Variants in ASB5 observed in about 807,000 individuals in gnomAD.
ASB5 encodes ankyrin repeat and SOCS box protein 5.
Under a neutral mutation model 42.1 loss-of-function variants are expected in ASB5, and 45 were observed. The ratio of observed to expected loss-of-function variants is 1.07; its 90% CI spans 0.84 to 1.37. ASB5 has a LOEUF of 1.37. Ranked by LOEUF, ASB5 falls within the 40% of genes most tolerant of loss-of-function variation. The probability of loss-of-function intolerance (pLI) is 0.00; values close to 1 mark genes in which losing one functional copy is unlikely to be tolerated. For missense variants in ASB5, 402 were observed against 399.8 expected (o/e 1.01, Z -0.05); for synonymous variants, 147 against 150.6 (o/e 0.98, Z 0.18).
chr4:176,269,544 T>A (rs896435738), upstream of ASB5, among the ~76,000 whole-genome samples: 3 of 152,234 alleles, frequency 2.0e-5, no homozygotes, highest in African/African-American at 7.2e-5. Flanking sequence ...AAAATGGCAC[T>A]GTACTATTTG....
chr4:176,252,078 A>AG, intron 1 of ASB5, among the ~76,000 whole-genome samples: 3 of 42,518 alleles, frequency 7.1e-5, no homozygotes, highest in Admixed American at 4.6e-4. Context: ...AAAAAAAAAA[A>AG]AAAAAGAAAA....
chr4:176,248,136 T>C (rs770873158), intron 1 of ASB5, among the ~76,000 whole-genome samples: 1 of 152,162 alleles, frequency 6.6e-6, no homozygotes, highest in Non-Finnish European at 1.5e-5. Context: ...TTTTTATCTT[T>C]TCATTTTTTT....
intron 1 of ASB5, among the ~76,000 whole-genome samples, chr4:176,257,223 T>C (rs1019443340): frequency 4.6e-5 from 7 of 152,202 alleles, no homozygotes; most frequent in Non-Finnish European, 1.0e-4. Context: ...AGCCAAGAAT[T>C]TGCCAAGACT....
At chr4:176,221,105 T>C in intron 5 of ASB5, 50 bp downstream of exon 5, 1 of 1,503,064 alleles carries the variant, frequency 6.7e-7, no homozygotes, top group Non-Finnish European at 8.9e-7. Flanking sequence ...GAGAAATAAA[T>C]AACTGCTTGT....
chr4:176,222,643 G>T (rs1753251438), intron 2 of ASB5, among the ~76,000 whole-genome samples: 1 of 152,108 alleles, frequency 6.6e-6, no homozygotes, highest in African/African-American at 2.4e-5. Flanking sequence ...ACCCAATAAT[G>T]CCTTAAGTAT....
At chr4:176,241,516 T>G in intron 1 of ASB5, 1 of 1,535,304 alleles carries the variant, frequency 6.5e-7, no homozygotes, top group Non-Finnish European at 8.7e-7. Flanking sequence ...GGGCCATTAT[T>G]CAGTTCTCAG....
At chr4:176,267,865 C>T (rs549577340) in intron 1 of ASB5, among the ~76,000 whole-genome samples, 1 of 152,218 alleles carries the variant, frequency 6.6e-6, no homozygotes, top group South Asian at 2.1e-4. Flanking sequence ...CTCAACTTTC[C>T]ATGTACTAAT....
chr4:176,271,770 G>T (rs917037286), upstream of ASB5, among the ~76,000 whole-genome samples: 1 of 152,070 alleles, frequency 6.6e-6, no homozygotes, highest in African/African-American at 2.4e-5. Context: ...AATGAGAAAA[G>T]TTGGGCTCAG....
chr4:176,226,931 C>T (rs1388644319), intron 1 of ASB5, among the ~76,000 whole-genome samples: 3 of 152,230 alleles, frequency 2.0e-5, no homozygotes, highest in African/African-American at 4.8e-5. Context: ...TCCTGAATGA[C>T]TCAACAGTGT....
intron 1 of ASB5, among the ~76,000 whole-genome samples, chr4:176,248,963 G>GTTTGT (rs1206871263): frequency 6.6e-6 from 1 of 152,064 alleles, no homozygotes; most frequent in Non-Finnish European, 1.5e-5. Context: ...TTTACATTTT[G>GTTTGT]TTTGTTTTGT....
intron 1 of ASB5, among the ~76,000 whole-genome samples, chr4:176,226,641 A>G (rs1344361157): frequency 2.0e-5 from 3 of 152,152 alleles, no homozygotes; most frequent in Non-Finnish European, 4.4e-5. Flanking sequence ...GACAGAGAAA[A>G]AGAGAATTAA....
chr4:176,269,103 C>A lies in ASB5; in HGVS notation c.6G>T (p.Ser2=), dbSNP rs559244303. Residue 2 remains serine (S), a synonymous_variant, in exon 1 of 7, where the codon TCG becomes TCT. Coordinates refer to ENST00000296525, the MANE Select transcript of ASB5 (RefSeq NM_080874.4). M[S]VLEENRPFAQ... ...CAAACGGCCGATTTTCTTCTAACAC[C>A]GACATTGCTGCAGAAGAATCTGCGG... The A allele has an allele frequency of 6.2e-7, 1 of 1,608,826 alleles. No homozygotes were observed. The highest frequency in any genetic ancestry group is 1.7e-5 in the Admixed American group (1 of 59,534).
chr4:176,223,302 T>G (rs530850698), intron 2 of ASB5, among the ~76,000 whole-genome samples: 50 of 152,264 alleles, frequency 3.3e-4, no homozygotes, highest in African/African-American at 1.1e-3. Context: ...ACCTCTAAAT[T>G]TGAAGATTAT....
chr4:176,228,631 C>A (rs1478390983), intron 1 of ASB5, among the ~76,000 whole-genome samples: 1 of 152,086 alleles, frequency 6.6e-6, no homozygotes, highest in African/African-American at 2.4e-5. Flanking sequence ...TGTATTACTT[C>A]TTTCTACTGT....
chr4:176,224,338 G>A (rs1405810514), intron 2 of ASB5, among the ~76,000 whole-genome samples: 1 of 135,222 alleles, frequency 7.4e-6, no homozygotes, highest in Non-Finnish European at 1.5e-5. Flanking sequence ...AGGTTCAATT[G>A]ATTCTCCTGC....
chr4:176,269,929 C>T (rs1487032365), upstream of ASB5, among the ~76,000 whole-genome samples: 2 of 152,136 alleles, frequency 1.3e-5, no homozygotes, highest in African/African-American at 4.8e-5. Flanking sequence ...TCAGAAAAGA[C>T]ATATCCAAAA....
chr4:176,225,425 A>T, intron 1 of ASB5, 84 bp from the exon 2 acceptor site: 1 of 1,137,898 alleles, frequency 8.8e-7, no homozygotes, highest in Admixed American at 1.9e-5. Context: ...CAATACCAAG[A>T]TCACATAAAT....
Position 176,216,951 on chromosome 4 carries a change from T to C in ASB5, c.729A>G (p.Gln243=). 2 of 1,613,924 alleles carry C rather than the reference T, an allele frequency of 1.2e-6. No homozygotes were observed. The highest frequency in any genetic ancestry group is 1.1e-5 in the South Asian group (1 of 91,050). The change falls in exon 6 of 7, where the codon CAA becomes CAG. Residue 243 remains glutamine (Q), a synonymous_variant. Transcript: ENST00000296525. ...WDTPLHAAAQ[Q]SSTEIVNLLL... ...GTAAGTTTACAATTTCTGTGCTGGA[T>C]TGTTGAGCAGCAGCATGTAATGGAG...
At position 176,269,082 on chromosome 4, in the gene ASB5, C is replaced by T. The variant is rs769501584; in HGVS notation, c.27G>A (p.Pro9=). 3.1e-6 allele frequency: 5 copies of T among 1,610,116 alleles called. No individual in the cohort carries two copies. Among genetic ancestry groups the T allele is most frequent in the South Asian group, 2.2e-5 (2 of 90,494 alleles). ...AGACATTGGATAATTGTTGAGCAAACGGCCGATTTTCTTCTAACACCGACA... is the reference window on the plus strand; with the variant it reads ...AGACATTGGATAATTGTTGAGCAAATGGCCGATTTTCTTCTAACACCGACA... The part of the protein sequence containing the change: MSVLEENR[P]FAQQLSNVYF... The change falls in exon 1 of 7, where the codon CCG becomes CCA. Residue 9 remains proline (P), a synonymous_variant. Coordinates refer to ENST00000296525, the MANE Select transcript of ASB5 (RefSeq NM_080874.4).
Sources: allele counts gnomAD v4.1 joint callset (sites outside exome capture counted in the v4.1 genomes callset), GRCh38; gene constraint gnomAD v4.1.1; transcripts MANE v1.5; gene names NCBI Gene and HGNC (gene_info 2026-07-23, HGNC 2026-07-21).